The following LRCH3 variants were observed in gnomAD, a reference collection of about 807,000 sequenced individuals.
The protein encoded by LRCH3 is leucine rich repeats and calponin homology domain containing 3, also known as DISP complex protein LRCH3.
A neutral mutation model predicts 104.5 loss-of-function variants in LRCH3; 68 were observed. That is an observed-to-expected ratio of 0.65 (90% CI 0.54 to 0.80). The LOEUF is 0.80. Ranked by LOEUF, LRCH3 falls within the 30% of genes least tolerant of loss-of-function variation. The pLI is 0.00. For synonymous variants in LRCH3, 344 were observed against 361.3 expected (o/e 0.95, Z 0.54); for missense variants, 951 against 953.9 (o/e 1.00, Z 0.04).
At chr3:197,852,707 T>C in intron 13 of LRCH3, 87 bp downstream of exon 13, 2 of 1,347,910 alleles carry the variant, frequency 1.5e-6, no homozygotes, top group Non-Finnish European at 1.1e-6. Flanking sequence ...ATGTTTTCAG[T>C]GCTCGGAATA....
chr3:197,808,881 G>A (rs2109148865), intron 1 of LRCH3, among the ~76,000 whole-genome samples: 1 of 142,908 alleles, frequency 7.0e-6, no homozygotes, highest in South Asian at 2.4e-4. Flanking sequence ...TCCAACCTGG[G>A]TGACAGTGAG....
intron 9 of LRCH3, among the ~76,000 whole-genome samples, chr3:197,836,838 C>T (rs567771025): frequency 3.2e-4 from 48 of 152,124 alleles, no homozygotes; most frequent in African/African-American, 8.4e-4. Flanking sequence ...CCACCATGCC[C>T]GGCTAATTTT....
At chr3:197,802,177 G>A (rs1367027223) in intron 1 of LRCH3, among the ~76,000 whole-genome samples, 1 of 152,146 alleles carries the variant, frequency 6.6e-6, no homozygotes, top group Non-Finnish European at 1.5e-5. Context: ...AAAGTCAACT[G>A]ATTAGTAGAC....
At chr3:197,819,762 A>G (rs1399381938) in intron 3 of LRCH3, among the ~76,000 whole-genome samples, 2 of 152,262 alleles carry the variant, frequency 1.3e-5, no homozygotes, top group African/African-American at 4.8e-5. Flanking sequence ...TACTTCAATT[A>G]TTAATTGGTA....
At chr3:197,796,205 A>G (rs1190481811) in intron 1 of LRCH3, among the ~76,000 whole-genome samples, 3 of 152,196 alleles carry the variant, frequency 2.0e-5, no homozygotes, top group Non-Finnish European at 2.9e-5. Context: ...TTATTGGTGT[A>G]TGAAGAGGAC....
chr3:197,822,790 T>C (rs1734632972), intron 4 of LRCH3: 2 of 152,000 alleles, frequency 1.3e-5, no homozygotes, highest in African/African-American at 4.8e-5. Context: ...TCAAAAAATA[T>C]TAAAAAATAT....
At chr3:197,882,537 A>AAAAAAAAC (rs1560067833) in intron 20 of LRCH3, 1 of 941,870 alleles carries the variant, frequency 1.1e-6, no homozygotes, top group African/African-American at 1.9e-5. Flanking sequence ...AACAAAAAAC[A>AAAAAAAAC]AAAAAACCCA....
rs187169404 is a variant in LRCH3, at chr3:197,864,411, C to T, written c.1717-1012C>T. ...TCACCTGAGGTTGGGAGTTCGAGAA[C>T]GGCCTGACTAACATGGAGAAACCCC... On this transcript the variant is annotated intron_variant, in intron 15 of 20. Transcript: ENST00000425562. Among the ~76,000 whole-genome samples the T allele has an allele frequency of 2.1e-3, 309 of 149,818 alleles. 5 individuals are homozygous for T. The highest frequency in any genetic ancestry group is 3.4e-3 in the Non-Finnish European group (231 of 67,952).
chr3:197,870,430 A>G (rs1311063408), intron 18 of LRCH3, 152 bp downstream of exon 18: 1 of 700,774 alleles, frequency 1.4e-6, no homozygotes, highest in Non-Finnish European at 2.2e-6. Flanking sequence ...CAGTGGCATG[A>G]TCCTGGCTCA....
At chr3:197,868,339 TTAAAG>T (rs922469038) in intron 17 of LRCH3, among the ~76,000 whole-genome samples, 1 of 152,176 alleles carries the variant, frequency 6.6e-6, no homozygotes, top group Admixed American at 6.5e-5. Flanking sequence ...CAGAGATGAT[TTAAAG>T]TATAGTATAA....
chr3:197,814,809 A>G, intron 1 of LRCH3, 99 bp from the exon 2 acceptor site: 2 of 1,031,404 alleles, frequency 1.9e-6, no homozygotes, highest in Non-Finnish European at 2.7e-6. Flanking sequence ...ACTTTTAAAG[A>G]ATAATAGTTT....
At chr3:197,865,346 A>T in intron 15 of LRCH3, 77 bp from the exon 16 acceptor site, 2 of 1,079,596 alleles carry the variant, frequency 1.9e-6, no homozygotes, top group African/African-American at 1.6e-5. Context: ...TGTCTTTTAT[A>T]ATTTCAAAAT....
At chr3:197,835,380 C>T (rs1420814398) in intron 8 of LRCH3, among the ~76,000 whole-genome samples, 1 of 150,932 alleles carries the variant, frequency 6.6e-6, no homozygotes, top group South Asian at 2.1e-4. Flanking sequence ...GACGGGATTT[C>T]AGCATATTGG....
At position 197,881,684 on chromosome 3, in the gene LRCH3, G is replaced by A. The variant is rs535385785; in HGVS notation, c.2209-1857G>A. ...CGTTAATGCTGGAAACTATAATTGC[G>A]GTTAGATTCTAGTTTCATAAGTGGT... On this transcript the variant is annotated intron_variant, in intron 20 of 20. Transcript: ENST00000425562. 1.0e-5 allele frequency: 10 copies of A among 985,288 alleles called. No homozygotes were observed. The South Asian group carries it at 2.4e-4, about 23-fold the overall frequency. The allele number at this position is 985,288 out of a possible 1,614,324, so 61.0% of individuals were successfully genotyped here. A position where few individuals can be genotyped will look rare whatever the true frequency, so the allele number is the denominator to read the frequency against.
chr3:197,858,540 G>GCATAAAACA, intron 14 of LRCH3, among the ~76,000 whole-genome samples: 1 of 152,024 alleles, frequency 6.6e-6, no homozygotes, highest in Non-Finnish European at 1.5e-5. Flanking sequence ...TAACAATGTT[G>GCATAAAACA]ATGTTCTGTT....
At chr3:197,859,064 T>C (rs1740594547) in intron 15 of LRCH3, 159 bp downstream of exon 15, 1 of 634,292 alleles carries the variant, frequency 1.6e-6, no homozygotes, top group African/African-American at 1.8e-5. Flanking sequence ...CCTTGAAATT[T>C]TTTGAAAGTT....
At chr3:197,880,054 T>G (rs1713538298) in intron 20 of LRCH3, among the ~76,000 whole-genome samples, 1 of 150,814 alleles carries the variant, frequency 6.6e-6, no homozygotes, top group Non-Finnish European at 1.5e-5. Context: ...CCCGCCATTC[T>G]CCTGCCTCAG....
At chr3:197,852,409 A>G (rs1739731142) in intron 12 of LRCH3, 152 bp from the exon 13 acceptor site, 1 of 709,608 alleles carries the variant, frequency 1.4e-6, no homozygotes, top group Non-Finnish European at 2.4e-6. Flanking sequence ...ATTTCTAGCT[A>G]AACATTTTCT....
At chr3:197,880,008 C>G (rs183245077) in intron 20 of LRCH3, among the ~76,000 whole-genome samples, 9,797 of 147,920 alleles carry the variant, frequency 0.066, 780 homozygotes, top group African/African-American at 0.19. Context: ...TGCGGTGGCG[C>G]GATCTCGGCT....
Sources: allele counts gnomAD v4.1 joint callset (sites outside exome capture counted in the v4.1 genomes callset), GRCh38; gene constraint gnomAD v4.1.1; transcripts MANE v1.5; gene names NCBI Gene and HGNC (gene_info 2026-07-23, HGNC 2026-07-21).